SORCS2: variants seen among roughly 807,000 people sequenced by gnomAD.
SORCS2 encodes VPS10 domain-containing receptor SorCS2.
SORCS2 carries 100 observed loss-of-function variants against 141.6 expected under a neutral mutation model. The observed-to-expected ratio is 0.71, with a 90% confidence interval of 0.60 to 0.83. SORCS2 has a LOEUF of 0.83. Among genes scored for constraint, SORCS2 ranks in the 40% least tolerant of loss-of-function variants. SORCS2 has a pLI of 0.00. For missense variants in SORCS2, 1,646 were observed against 1,560.2 expected, an observed-to-expected ratio of 1.05 and a Z score of -0.93; for synonymous variants, 789 against 676.9, an observed-to-expected ratio of 1.17 and a Z score of -2.57.
At chr4:7,291,814 C>A (rs555462270) in intron 1 of SORCS2, among the ~76,000 whole-genome samples, 4 of 152,186 alleles carry the variant, frequency 2.6e-5, no homozygotes, top group Non-Finnish European at 5.9e-5. Flanking sequence ...AGCCGATATG[C>A]AAAGAGGAAG....
At chr4:7,421,372 C>T (rs1726037438) in intron 2 of SORCS2, among the ~76,000 whole-genome samples, 1 of 152,230 alleles carries the variant, frequency 6.6e-6, no homozygotes, top group Admixed American at 6.5e-5. Context: ...AGTCCTGGCT[C>T]TGCCTCTTGT....
At chr4:7,674,334 C>A (rs1369905392) in intron 8 of SORCS2, among the ~76,000 whole-genome samples, 1 of 152,012 alleles carries the variant, frequency 6.6e-6, no homozygotes, top group East Asian at 1.9e-4. Context: ...AATCCCAGCA[C>A]TTTGGGAGGA....
intron 3 of SORCS2, among the ~76,000 whole-genome samples, chr4:7,618,549 C>T (rs150107743): frequency 1.3e-5 from 2 of 152,310 alleles, no homozygotes; most frequent in African/African-American, 4.8e-5. Context: ...ACGTTCTGCT[C>T]GCCCCTTCAT....
intron 1 of SORCS2, among the ~76,000 whole-genome samples, chr4:7,347,570 C>A (rs1468942810): frequency 2.0e-5 from 3 of 152,162 alleles, no homozygotes; most frequent in African/African-American, 7.2e-5. Flanking sequence ...TCACACAGCA[C>A]TTACGTGGTA....
intron 2 of SORCS2, among the ~76,000 whole-genome samples, chr4:7,463,878 T>C (rs1198392491): frequency 6.6e-6 from 1 of 152,188 alleles, no homozygotes; most frequent in East Asian, 1.9e-4. Flanking sequence ...CAAGATACAG[T>C]AGCAGAGACT....
chr4:7,725,943 A>G (rs1304146937), intron 20 of SORCS2, among the ~76,000 whole-genome samples: 3 of 152,222 alleles, frequency 2.0e-5, no homozygotes, highest in African/African-American at 7.2e-5. Flanking sequence ...AGGGTCTGAG[A>G]AGGAGCTCAG....
intron 2 of SORCS2, among the ~76,000 whole-genome samples, chr4:7,517,365 T>A (rs1039007342): frequency 6.6e-6 from 1 of 152,166 alleles, no homozygotes; most frequent in Non-Finnish European, 1.5e-5. Context: ...CTAATGAATT[T>A]TTGTATCTTA....
intron 1 of SORCS2, among the ~76,000 whole-genome samples, chr4:7,221,592 T>G (rs4689653): frequency 0.62 from 94,606 of 152,088 alleles, 29,484 homozygotes; most frequent in East Asian, 0.73. Context: ...TTTGGCAAAA[T>G]CCACCCAGCC....
intron 1 of SORCS2, among the ~76,000 whole-genome samples, chr4:7,364,383 TAGAA>T (rs1460635268): frequency 6.6e-6 from 1 of 152,222 alleles, no homozygotes; most frequent in Non-Finnish European, 1.5e-5. Context: ...CTCAATGTGA[TAGAA>T]AGCAATGTGA....
chr4:7,396,215 G>A, intron 1 of SORCS2, 73 bp from the exon 2 acceptor site: 1 of 1,436,016 alleles, frequency 7.0e-7, no homozygotes, highest in South Asian at 1.2e-5. Context: ...GCACGGAGTG[G>A]TGTCACTGTA....
chr4:7,630,248 G>C (rs1249313027), intron 3 of SORCS2, among the ~76,000 whole-genome samples: 1 of 152,156 alleles, frequency 6.6e-6, no homozygotes, highest in Non-Finnish European at 1.5e-5. Context: ...GAGGCTGGGA[G>C]TGAGTGAAAA....
chr4:7,318,629 A>G (rs973250804), intron 1 of SORCS2, among the ~76,000 whole-genome samples: 4 of 152,224 alleles, frequency 2.6e-5, no homozygotes, highest in African/African-American at 9.7e-5. Flanking sequence ...TTAGTTCAGT[A>G]ACTGGTGCAT....
intron 1 of SORCS2, among the ~76,000 whole-genome samples, chr4:7,295,439 TG>T (rs1330986357): frequency 2.0e-5 from 3 of 151,976 alleles, no homozygotes; most frequent in Non-Finnish European, 4.4e-5. Context: ...GCCCCTGGCT[TG>T]GTGCCCTGTT....
At chr4:7,614,586 C>T (rs1718631392) in intron 3 of SORCS2, among the ~76,000 whole-genome samples, 1 of 136,180 alleles carries the variant, frequency 7.3e-6, no homozygotes, top group South Asian at 2.3e-4. Flanking sequence ...CATCATGAAT[C>T]CATCCACCCA....
At position 7,355,262 on chromosome 4, in the gene SORCS2, C is replaced by A. The variant is rs566634188; in HGVS notation, c.481-41026C>A. ...CCTTCTCTGTCTGATTTTAGCCTAA[C>A]CCCTCTGTGCCCTTCCGGGTTTATG... On this transcript the variant is annotated intron_variant, in intron 1 of 26. Transcript: ENST00000507866. 1.7e-4 allele frequency among the ~76,000 whole-genome samples: 26 copies of A among 152,238 alleles called. No individual in the cohort carries two copies. In the East Asian group the frequency reaches 4.7e-3, roughly 27 times the overall value.
chr4:7,714,452 G>C, intron 16 of SORCS2, 79 bp downstream of exon 16: 4 of 1,458,072 alleles, frequency 2.7e-6, no homozygotes, highest in Non-Finnish European at 3.7e-6. Context: ...TTCCCTCAGA[G>C]TGAGGGAGGA....
chr4:7,555,056 C>T (rs28390130), intron 3 of SORCS2, among the ~76,000 whole-genome samples: 48,707 of 152,052 alleles, frequency 0.32, 8,421 homozygotes, highest in African/African-American at 0.45. Flanking sequence ...GGGAGCAGCA[C>T]TGTCCACAAG....
intron 4 of SORCS2, among the ~76,000 whole-genome samples, chr4:7,653,314 G>A (rs1721554631): frequency 6.6e-6 from 1 of 152,194 alleles, no homozygotes; most frequent in African/African-American, 2.4e-5. Context: ...TGTGATCTTG[G>A]CTCACTGCAA....
chr4:7,273,405 G>A (rs1715269807), intron 1 of SORCS2, among the ~76,000 whole-genome samples: 1 of 152,136 alleles, frequency 6.6e-6, no homozygotes, highest in African/African-American at 2.4e-5. Context: ...AAAGCCACTT[G>A]CATCCATCAT....
Sources: gnomAD v4.1 joint callset for allele counts (sites outside exome capture counted in the v4.1 genomes callset) on GRCh38, gnomAD v4.1.1 for gene constraint, MANE v1.5 for transcripts, NCBI Gene and HGNC (gene_info 2026-07-23, HGNC 2026-07-21) for gene names.